CSMD1: variants seen among roughly 807,000 people sequenced by gnomAD.
CSMD1 encodes CUB and sushi domain-containing protein 1.
CSMD1 carries 213 observed loss-of-function variants against 417.5 expected under a neutral mutation model. The observed-to-expected ratio is 0.51, with a 90% CI of 0.46 to 0.57. The LOEUF (loss-of-function observed/expected upper bound fraction) is 0.57, where lower values mean the gene tolerates loss of function less well. Ranked by LOEUF, CSMD1 falls within the 20% of genes least tolerant of loss-of-function variation. CSMD1 has a pLI of 0.00. For synonymous variants in CSMD1, 2,862 were observed against 1,736.8 expected (o/e 1.65, Z -16.11); for missense variants, 6,923 against 4,529.7 (o/e 1.53, Z -15.17).
chr8:4,540,641 G>C (rs1797335122), intron 2 of CSMD1, among the ~76,000 whole-genome samples: 2 of 152,242 alleles, frequency 1.3e-5, no homozygotes, highest in South Asian at 4.2e-4. Flanking sequence ...CCAGACATGG[G>C]AGCACCTAAC....
At chr8:3,772,758 T>C (rs1267246186) in intron 5 of CSMD1, among the ~76,000 whole-genome samples, 1 of 150,772 alleles carries the variant, frequency 6.6e-6, no homozygotes, top group African/African-American at 2.4e-5. Flanking sequence ...ATTCAGCAAA[T>C]ATTGAACGAA....
intron 3 of CSMD1, among the ~76,000 whole-genome samples, chr8:4,283,294 G>T (rs11987617): frequency 6.6e-6 from 1 of 152,120 alleles, no homozygotes; most frequent in South Asian, 2.1e-4. Flanking sequence ...TGTGACATTT[G>T]ATTTTGTTTA....
chr8:3,822,418 G>A (rs1015179188), intron 5 of CSMD1, among the ~76,000 whole-genome samples: 1 of 152,124 alleles, frequency 6.6e-6, no homozygotes, highest in African/African-American at 2.4e-5. Context: ...CATTTTTTAG[G>A]TTGAATATCT....
At chr8:4,993,190 C>T (rs1811566607) in intron 1 of CSMD1, among the ~76,000 whole-genome samples, 1 of 152,002 alleles carries the variant, frequency 6.6e-6, no homozygotes, top group African/African-American at 2.4e-5. Flanking sequence ...GGGAAAAAAG[C>T]AAGTGACCAT....
chr8:3,594,294 C>A (rs1362947962), intron 8 of CSMD1, among the ~76,000 whole-genome samples: 3 of 152,088 alleles, frequency 2.0e-5, no homozygotes, highest in African/African-American at 7.2e-5. Flanking sequence ...TATATTAAAT[C>A]TAAATTGCTA....
chr8:4,523,019 A>G (rs1370554576), intron 2 of CSMD1, among the ~76,000 whole-genome samples: 4 of 152,174 alleles, frequency 2.6e-5, no homozygotes, highest in Non-Finnish European at 5.9e-5. Context: ...GCTTGTGTTA[A>G]TGACAAAATG....
chr8:3,690,189 T>C (rs1800163054), intron 7 of CSMD1, among the ~76,000 whole-genome samples: 2 of 152,214 alleles, frequency 1.3e-5, no homozygotes, highest in South Asian at 2.1e-4. Flanking sequence ...CAAGGCCCTG[T>C]CTCTACAAAA....
chr8:4,195,673 G>C (rs1381143469), intron 3 of CSMD1, among the ~76,000 whole-genome samples: 1 of 152,140 alleles, frequency 6.6e-6, no homozygotes, highest in Non-Finnish European at 1.5e-5. Flanking sequence ...ATGAAGCAGA[G>C]GCTGTGTTGA....
At chr8:3,653,694 T>C (rs1016767722) in intron 7 of CSMD1, among the ~76,000 whole-genome samples, 20 of 152,144 alleles carry the variant, frequency 1.3e-4, no homozygotes, top group Admixed American at 9.8e-4. Context: ...CTGGCACTTG[T>C]GGAAGCCTCC....
intron 2 of CSMD1, among the ~76,000 whole-genome samples, chr8:4,563,050 C>A (rs963567987): frequency 6.6e-6 from 1 of 152,040 alleles, no homozygotes; most frequent in Non-Finnish European, 1.5e-5. Context: ...TTGTATTAAC[C>A]AACTCCAAAT....
intron 3 of CSMD1, among the ~76,000 whole-genome samples, chr8:4,133,775 A>C (rs1803253418): frequency 6.6e-6 from 1 of 152,144 alleles, no homozygotes; most frequent in Non-Finnish European, 1.5e-5. Context: ...ATCTGATTTA[A>C]ATATATCCCT....
At chr8:4,166,934 T>C (rs1478796157) in intron 3 of CSMD1, among the ~76,000 whole-genome samples, 1 of 152,130 alleles carries the variant, frequency 6.6e-6, no homozygotes, top group Non-Finnish European at 1.5e-5. Context: ...CCAGGTGGGG[T>C]CAGTGGCCAC....
rs1797675005 is a variant in CSMD1, at chr8:4,428,200, T to C, written c.303-8135A>G. 3.3e-5 allele frequency among the ~76,000 whole-genome samples: 5 copies of C among 152,302 alleles called. No individual in the cohort carries two copies. In the South Asian group the frequency reaches 1.0e-3, roughly 32 times the overall value. ...AAAGGAAAACAAACCCATGTTCACT[T>C]GTACTGTGTCCACTGAACCACACAT... On this transcript the variant is annotated intron_variant, in intron 2 of 69. Coordinates refer to ENST00000635120, the MANE Select transcript of CSMD1 (RefSeq NM_033225.6).
intron 1 of CSMD1, among the ~76,000 whole-genome samples, chr8:4,645,998 T>A (rs551223256): frequency 1.9e-4 from 29 of 152,220 alleles, no homozygotes; most frequent in Admixed American, 7.9e-4. Context: ...CAACAAGCAC[T>A]GTTTTATTCA....
chr8:4,414,172 A>G (rs1796801681), intron 3 of CSMD1, among the ~76,000 whole-genome samples: 1 of 152,216 alleles, frequency 6.6e-6, no homozygotes, highest in Admixed American at 6.5e-5. Flanking sequence ...TTGAAGAGTA[A>G]TAATCTAGCT....
At chr8:4,920,196 A>G (rs1028181478) in intron 1 of CSMD1, among the ~76,000 whole-genome samples, 8 of 152,162 alleles carry the variant, frequency 5.3e-5, no homozygotes, top group Non-Finnish European at 1.2e-4. Context: ...TCTTATGCTA[A>G]TGAACCAAAC....
At chr8:4,239,667 C>T (rs1802276926) in intron 3 of CSMD1, among the ~76,000 whole-genome samples, 1 of 152,114 alleles carries the variant, frequency 6.6e-6, no homozygotes, top group Non-Finnish European at 1.5e-5. Context: ...CAGAGCATTG[C>T]ATTATGTTGG....
At chr8:4,324,710 A>G (rs149946248) in intron 3 of CSMD1, among the ~76,000 whole-genome samples, 16 of 152,348 alleles carry the variant, frequency 1.1e-4, no homozygotes, top group African/African-American at 2.6e-4. Context: ...CCTGTTTTCC[A>G]TAAGGTGTTG....
intron 5 of CSMD1, among the ~76,000 whole-genome samples, chr8:3,784,118 A>G (rs1334448736): frequency 1.3e-5 from 2 of 150,512 alleles, no homozygotes; most frequent in African/African-American, 2.5e-5. Context: ...AATAATAATT[A>G]CAAATTCTTT....
Sources: allele counts gnomAD v4.1 joint callset (sites outside exome capture counted in the v4.1 genomes callset), GRCh38; gene constraint gnomAD v4.1.1; transcripts MANE v1.5; gene names NCBI Gene and HGNC (gene_info 2026-07-23, HGNC 2026-07-21).